The following MCPH1 variants were observed in gnomAD, a reference collection of about 807,000 sequenced individuals.
MCPH1 encodes the protein microcephalin.
MCPH1 carries 104 observed loss-of-function variants against 84.5 expected under a neutral mutation model. The observed-to-expected ratio is 1.23, with a 90% CI of 1.05 to 1.45. The LOEUF is 1.45. Among genes scored for constraint, MCPH1 ranks in the 40% most tolerant of loss-of-function variants. MCPH1 has a pLI of 0.00. For missense variants in MCPH1, 1,498 were observed against 1,005.7 expected, an observed-to-expected ratio of 1.49 and a Z score of -6.62; for synonymous variants, 514 against 366.8, an observed-to-expected ratio of 1.40 and a Z score of -4.58.
intron 8 of MCPH1, chr8:6,446,286 C>T (rs1232020993): frequency 5.1e-6 from 5 of 985,080 alleles, no homozygotes; most frequent in African/African-American, 1.7e-5. Flanking sequence ...TTGAAGAAAT[C>T]TTGAACTTTG....
chr8:6,508,569 G>T, intron 12 of MCPH1: 1 of 412,714 alleles, frequency 2.4e-6, no homozygotes. Context: ...TACTGTTGTG[G>T]TTGCTACTTG....
intron 11 of MCPH1, among the ~76,000 whole-genome samples, chr8:6,481,790 A>G (rs1397688458): frequency 6.6e-6 from 1 of 152,224 alleles, no homozygotes; most frequent in East Asian, 1.9e-4. Flanking sequence ...ATGGGGGATC[A>G]CCTTACCTGA....
intron 12 of MCPH1, among the ~76,000 whole-genome samples, chr8:6,505,650 CTATT>C (rs1489799505): frequency 8.0e-5 from 10 of 124,500 alleles, no homozygotes; most frequent in South Asian, 5.0e-4. Flanking sequence ...TTCTTTATAT[CTATT>C]TATATATAGA....
chr8:6,632,464 A>G (rs959342724), intron 13 of MCPH1, among the ~76,000 whole-genome samples: 2 of 152,220 alleles, frequency 1.3e-5, no homozygotes, highest in African/African-American at 2.4e-5. Flanking sequence ...TTACAAGGCT[A>G]CATTGATCTT....
rs1550691 is a variant in MCPH1, at chr8:6,477,857, G to C, written c.1973+226G>C. Among the ~76,000 whole-genome samples, 7,347 of 152,266 alleles carry C rather than the reference G, an allele frequency of 0.048. 382 individuals are homozygous for C. The highest frequency in any genetic ancestry group is 0.13 in the African/African-American group (5,401 of 41,512). The stretch of plus-strand genomic sequence containing the variant: ...GTTTAGGCAGCATTAAGAGGTGTGT[G>C]CTCGTTTTGGTGTTCTTTTGCTTGC... On this transcript the variant is annotated intron_variant, in intron 10 of 13. Coordinates refer to ENST00000344683, the MANE Select transcript of MCPH1 (RefSeq NM_024596.5).
intron 13 of MCPH1, 108 bp downstream of exon 13, chr8:6,621,799 G>A: frequency 1.4e-6 from 2 of 1,456,490 alleles, no homozygotes; most frequent in East Asian, 2.3e-5. Context: ...TGGGGCACCT[G>A]GGTTGATGTC....
rs76294413 is a variant in MCPH1, at chr8:6,572,262, C to T, written c.2215-49192C>T. ...AAATATTTACGGAAAAAATAATATG[C>T]GCTCTCCTCCCAAATCCTGATGCGC... On this transcript the variant is annotated intron_variant, in intron 12 of 13. Coordinates refer to ENST00000344683, the MANE Select transcript of MCPH1 (RefSeq NM_024596.5). Among the ~76,000 whole-genome samples the T allele has an allele frequency of 5.9e-5, 9 of 152,040 alleles. No individual in the cohort carries two copies. The South Asian group carries it at 8.3e-4, about 14-fold the overall frequency.
chr8:6,511,089 T>C (rs970370574), intron 12 of MCPH1, among the ~76,000 whole-genome samples: 15 of 152,224 alleles, frequency 9.9e-5, no homozygotes, highest in African/African-American at 3.6e-4. Flanking sequence ...TTTGAACATG[T>C]TTAGTTCTCA....
At chr8:6,416,547 G>C (rs778490564) in intron 3 of MCPH1, among the ~76,000 whole-genome samples, 1 of 152,170 alleles carries the variant, frequency 6.6e-6, no homozygotes, top group Non-Finnish European at 1.5e-5. Context: ...ATGGTTGTCA[G>C]ATGTTTTTCT....
chr8:6,578,328 G>C (rs888987557), intron 12 of MCPH1, among the ~76,000 whole-genome samples: 2 of 152,196 alleles, frequency 1.3e-5, no homozygotes, highest in African/African-American at 4.8e-5. Context: ...CAAAAGAAAA[G>C]TGAGAAAACA....
chr8:6,458,969 A>G (rs1378798962), intron 9 of MCPH1, among the ~76,000 whole-genome samples: 1 of 152,188 alleles, frequency 6.6e-6, no homozygotes, highest in African/African-American at 2.4e-5. Context: ...TTTTAAGTAT[A>G]TAACTTCCCA....
chr8:6,632,519 A>C (rs1797236286), intron 13 of MCPH1, among the ~76,000 whole-genome samples: 1 of 152,148 alleles, frequency 6.6e-6, no homozygotes. Flanking sequence ...CAAGTACATA[A>C]AAATCTGAGG....
chr8:6,604,349 G>A (rs1158878199), intron 12 of MCPH1, among the ~76,000 whole-genome samples: 1 of 152,178 alleles, frequency 6.6e-6, no homozygotes, highest in Non-Finnish European at 1.5e-5. Context: ...GTAGAAACTA[G>A]GTGATTCAGA....
At chr8:6,626,843 A>G in intron 13 of MCPH1, 1 of 985,128 alleles carries the variant, frequency 1.0e-6, no homozygotes, top group Non-Finnish European at 1.2e-6. Flanking sequence ...TGCTGCTGTT[A>G]TCACGAAAGG....
At chr8:6,551,873 G>A (rs987504481) in intron 12 of MCPH1, among the ~76,000 whole-genome samples, 7 of 152,258 alleles carry the variant, frequency 4.6e-5, no homozygotes, top group Non-Finnish European at 5.9e-5. Context: ...TTCCCATTAA[G>A]ACCAGTTTGT....
chr8:6,536,293 G>T (rs1360101569), intron 12 of MCPH1, among the ~76,000 whole-genome samples: 1 of 152,108 alleles, frequency 6.6e-6, no homozygotes, highest in Non-Finnish European at 1.5e-5. Context: ...CGCTGTGTCG[G>T]GATCCCAGGC....
At chr8:6,608,211 G>A (rs1209679240) in intron 12 of MCPH1, among the ~76,000 whole-genome samples, 1 of 152,198 alleles carries the variant, frequency 6.6e-6, no homozygotes, top group Non-Finnish European at 1.5e-5. Context: ...TGAGCACAGT[G>A]AAAACAATGC....
intron 12 of MCPH1, chr8:6,513,563 G>C (rs1258784139): frequency 1.5e-6 from 1 of 685,004 alleles, no homozygotes. Flanking sequence ...TCAATCTCCT[G>C]ACCTCGTGAT....
intron 12 of MCPH1, among the ~76,000 whole-genome samples, chr8:6,556,466 C>T (rs1254177681): frequency 1.3e-5 from 2 of 151,586 alleles, no homozygotes; most frequent in African/African-American, 2.4e-5. Flanking sequence ...CCCACAGTCC[C>T]TCACACGCCT....
Sources: allele counts gnomAD v4.1 joint callset (sites outside exome capture counted in the v4.1 genomes callset), GRCh38; gene constraint gnomAD v4.1.1; transcripts MANE v1.5; gene names NCBI Gene and HGNC (gene_info 2026-07-23, HGNC 2026-07-21).